Variants in CDH13 observed in about 807,000 individuals in gnomAD.
CDH13 encodes the protein cadherin 13.
CDH13 carries 24 observed loss-of-function variants against 63.8 expected under a neutral mutation model. The observed-to-expected ratio is 0.38, with a 90% CI of 0.27 to 0.53. The LOEUF (loss-of-function observed/expected upper bound fraction) is 0.53. Among genes scored for constraint, CDH13 ranks in the 20% least tolerant of loss-of-function variants. CDH13 has a pLI of 0.85. For missense variants in CDH13, 1,049 were observed against 903.1 expected (o/e 1.16, Z -2.07); for synonymous variants, 503 against 355.3 (o/e 1.42, Z -4.67).
chr16:83,665,593 A>G (rs576684660), intron 8 of CDH13, among the ~76,000 whole-genome samples: 10 of 152,332 alleles, frequency 6.6e-5, no homozygotes, highest in African/African-American at 2.2e-4. Flanking sequence ...TTTTAAGCTA[A>G]GGGCCAGATG....
chr16:83,017,871 C>G (rs1485732124), intron 2 of CDH13, among the ~76,000 whole-genome samples: 1 of 152,140 alleles, frequency 6.6e-6, no homozygotes, highest in Non-Finnish European at 1.5e-5. Context: ...GCATCTGCAG[C>G]TGGGTCATAA....
Position 82,994,702 on chromosome 16 carries a change from T to C in CDH13, c.158-37308T>C, listed in dbSNP as rs369662643. On this transcript the variant is annotated intron_variant, in intron 2 of 13. Coordinates refer to ENST00000567109, the MANE Select transcript of CDH13 (RefSeq NM_001257.5). ...TGACAAATGAAACTACCAATCTCCA[T>C]TGATACCTACGTTGATAGTATTCAA... is the stretch of plus-strand genomic sequence containing the variant. 2.8e-3 allele frequency among the ~76,000 whole-genome samples: 429 copies of C among 152,358 alleles called. 3 individuals carry two copies. The highest frequency in any genetic ancestry group is 9.5e-3 in the African/African-American group (397 of 41,592).
intron 3 of CDH13, among the ~76,000 whole-genome samples, chr16:83,118,514 G>C (rs973537813): frequency 1.6e-4 from 25 of 152,182 alleles, no homozygotes; most frequent in African/African-American, 2.4e-5. Context: ...GTCTACATGT[G>C]TCTGTGTTTC....
intron 3 of CDH13, among the ~76,000 whole-genome samples, chr16:83,046,953 C>G (rs1017839182): frequency 2.0e-5 from 3 of 152,188 alleles, no homozygotes; most frequent in African/African-American, 7.2e-5. Context: ...CACTGTGTCT[C>G]CTGCCTCCCA....
At chr16:83,752,534 C>G (rs758433866) in intron 11 of CDH13, among the ~76,000 whole-genome samples, 1 of 152,190 alleles carries the variant, frequency 6.6e-6, no homozygotes, top group Non-Finnish European at 1.5e-5. Context: ...GTCTAAACTT[C>G]CGCCATACCA....
intron 5 of CDH13, among the ~76,000 whole-genome samples, chr16:83,308,379 G>A (rs546234607): frequency 6.6e-6 from 1 of 152,186 alleles, no homozygotes; most frequent in African/African-American, 2.4e-5. Context: ...ACTCATATTT[G>A]AGATGTTCTA....
chr16:82,781,841 G>C (rs1487877891), intron 1 of CDH13, among the ~76,000 whole-genome samples: 1 of 152,164 alleles, frequency 6.6e-6, no homozygotes. Flanking sequence ...TCTAGTACGG[G>C]AGTATATGTA....
chr16:82,938,390 A>G (rs1288634197), intron 2 of CDH13, among the ~76,000 whole-genome samples: 2 of 152,246 alleles, frequency 1.3e-5, no homozygotes, highest in African/African-American at 4.8e-5. Flanking sequence ...TGTTTCTTTT[A>G]GATTAGCCCT....
chr16:83,050,070 T>C (rs370318308), intron 3 of CDH13, among the ~76,000 whole-genome samples: 7 of 152,280 alleles, frequency 4.6e-5, no homozygotes, highest in African/African-American at 1.7e-4. Flanking sequence ...GGCTCTCTTA[T>C]CTGGATTTCA....
chr16:82,865,062 A>C (rs8053647), intron 2 of CDH13, among the ~76,000 whole-genome samples: 114,985 of 152,184 alleles, frequency 0.76, 43,731 homozygotes, highest in East Asian at 0.88. Context: ...TGTCTCACAT[A>C]CAGGTCACCC....
intron 7 of CDH13, among the ~76,000 whole-genome samples, chr16:83,548,042 C>G (rs1045449015): frequency 6.6e-6 from 1 of 152,030 alleles, no homozygotes; most frequent in African/African-American, 2.4e-5. Context: ...ATATGCAGAG[C>G]TGAGTCTGGA....
chr16:83,057,011 G>T (rs2031014745), intron 3 of CDH13, among the ~76,000 whole-genome samples: 1 of 152,124 alleles, frequency 6.6e-6, no homozygotes, highest in South Asian at 2.1e-4. Context: ...TCTGTCGCCA[G>T]TCTGGAGTGC....
intron 4 of CDH13, among the ~76,000 whole-genome samples, chr16:83,161,693 C>A (rs1423814315): frequency 6.6e-6 from 1 of 152,138 alleles, no homozygotes; most frequent in African/African-American, 2.4e-5. Flanking sequence ...AATCACCCAC[C>A]ATGGTTCTCT....
rs8059209 is a variant in CDH13 at position 82,660,141 on chromosome 16, A to G, written c.45+33004A>G. On this transcript the variant is annotated intron_variant, in intron 1 of 13. Transcript: ENST00000567109. ...GTTTGGCTGAGGTTTTGGGTTTCAGAGGAAGCTGCTGAGAAAAGAGAGGGA... is the reference window on the plus strand; with the variant it reads ...GTTTGGCTGAGGTTTTGGGTTTCAGGGGAAGCTGCTGAGAAAAGAGAGGGA... Among the ~76,000 whole-genome samples, 1,096 of 152,284 alleles carry G rather than the reference A, an allele frequency of 7.2e-3. 16 individuals carry two copies. The highest frequency in any genetic ancestry group is 0.025 in the African/African-American group (1,059 of 41,550).
At chr16:83,619,957 A>C (rs1340819112) in intron 8 of CDH13, among the ~76,000 whole-genome samples, 22 of 152,080 alleles carry the variant, frequency 1.4e-4, no homozygotes, top group Admixed American at 1.4e-3. Flanking sequence ...ACTGAAAGCC[A>C]CCCAGGGTGA....
At chr16:83,015,718 T>G (rs1394411859) in intron 2 of CDH13, among the ~76,000 whole-genome samples, 5 of 119,678 alleles carry the variant, frequency 4.2e-5, no homozygotes, top group African/African-American at 1.6e-4. Flanking sequence ...TATATATATA[T>G]ATATAAAGAA....
intron 2 of CDH13, among the ~76,000 whole-genome samples, chr16:83,019,651 C>G (rs755245335): frequency 9.3e-5 from 14 of 151,324 alleles, no homozygotes; most frequent in Non-Finnish European, 1.2e-4. Context: ...ACCAGCCACC[C>G]CACCCAGCTA....
intron 1 of CDH13, among the ~76,000 whole-genome samples, chr16:82,659,877 G>A (rs867173432): frequency 6.6e-6 from 1 of 152,138 alleles, no homozygotes; most frequent in Non-Finnish European, 1.5e-5. Flanking sequence ...GCCATTGGAA[G>A]CCCCATCCTC....
intron 6 of CDH13, among the ~76,000 whole-genome samples, chr16:83,480,417 G>A (rs780861159): frequency 6.6e-6 from 1 of 151,880 alleles, no homozygotes; most frequent in Non-Finnish European, 1.5e-5. Flanking sequence ...CGGGCCACTG[G>A]CTTGATTCTG....
Sources: gnomAD v4.1 joint callset for allele counts (sites outside exome capture counted in the v4.1 genomes callset) on GRCh38, gnomAD v4.1.1 for gene constraint, MANE v1.5 for transcripts, NCBI Gene and HGNC (gene_info 2026-07-23, HGNC 2026-07-21) for gene names.